Variants in AGBL4 observed in about 807,000 individuals in gnomAD.
The protein encoded by AGBL4 is AGBL carboxypeptidase 4.
AGBL4 carries 58 observed loss-of-function variants against 66.4 expected under a neutral mutation model. The observed-to-expected ratio is 0.87, with a 90% CI of 0.71 to 1.09. AGBL4 has a LOEUF of 1.09. AGBL4 is among the 50% of genes least tolerant of loss of function. AGBL4 has a pLI of 0.00. For missense variants in AGBL4, 579 were observed against 631.0 expected, an observed-to-expected ratio of 0.92 and a Z score of 0.88; for synonymous variants, 234 against 222.9, an observed-to-expected ratio of 1.05 and a Z score of -0.44.
chr1:49,408,549 C>A (rs1205281524), intron 3 of AGBL4, among the ~76,000 whole-genome samples: 1 of 152,206 alleles, frequency 6.6e-6, no homozygotes, highest in African/African-American at 2.4e-5. Flanking sequence ...TCTGGGTAGG[C>A]ATCATCTAAT....
chr1:49,793,398 AC>A (rs1644651255), intron 2 of AGBL4, among the ~76,000 whole-genome samples: 1 of 152,034 alleles, frequency 6.6e-6, no homozygotes. Flanking sequence ...CTTTGAGCAC[AC>A]CAGGGTACTC....
intron 5 of AGBL4, among the ~76,000 whole-genome samples, chr1:48,889,324 G>C (rs572014464): frequency 6.6e-6 from 1 of 152,054 alleles, no homozygotes. Context: ...TTTAATATCC[G>C]CTTTTTTGTG....
intron 5 of AGBL4, among the ~76,000 whole-genome samples, chr1:49,044,993 A>G (rs1206631278): frequency 1.3e-5 from 2 of 152,212 alleles, no homozygotes; most frequent in Non-Finnish European, 2.9e-5. Context: ...AGTTTGTCAC[A>G]TCAGCAATAG....
At chr1:49,203,942 C>T (rs1647926405) in intron 4 of AGBL4, among the ~76,000 whole-genome samples, 1 of 152,146 alleles carries the variant, frequency 6.6e-6, no homozygotes, top group African/African-American at 2.4e-5. Flanking sequence ...TGCTTTTTGT[C>T]ACACTAAAGA....
At chr1:49,146,487 A>T (rs1646220725) in intron 4 of AGBL4, among the ~76,000 whole-genome samples, 1 of 152,224 alleles carries the variant, frequency 6.6e-6, no homozygotes, top group African/African-American at 2.4e-5. Flanking sequence ...GTGTGGTGTG[A>T]TGAAACACAG....
rs139735464 is a variant in AGBL4 at position 49,816,448 on chromosome 1, G to C, written c.157+34948C>G. On this transcript the variant is annotated intron_variant, in intron 2 of 13. Transcript: ENST00000371839. ...GCATATTTGCCACTTAGTGGTCCAAGGAAATATGTCTATTCATATCTAGAT... is the reference window on the plus strand; with the variant it reads ...GCATATTTGCCACTTAGTGGTCCAACGAAATATGTCTATTCATATCTAGAT... Among the ~76,000 whole-genome samples the C allele has an allele frequency of 5.1e-3, 770 of 152,242 alleles. 2 individuals carry two copies. The highest frequency in any genetic ancestry group is 8.1e-3 in the Admixed American group (124 of 15,290).
chr1:48,742,668 G>T lies in AGBL4; in HGVS notation c.635-79427C>A, dbSNP rs146041042. ...ACTTGTCCATGACAGGCGCAGGAGC[G>T]GGGTAATAGGACGACGTATTTGCTT... On this transcript the variant is annotated intron_variant, in intron 6 of 13. Coordinates refer to ENST00000371839, the MANE Select transcript of AGBL4 (RefSeq NM_032785.4). The T allele has an allele frequency of 3.7e-6, 6 of 1,609,206 alleles. No homozygotes were observed. The African/African-American group carries it at 5.3e-5, about 14-fold the overall frequency.
chr1:49,426,430 C>A (rs1478842124), intron 3 of AGBL4, among the ~76,000 whole-genome samples: 2 of 152,172 alleles, frequency 1.3e-5, no homozygotes, highest in Admixed American at 1.3e-4. Context: ...CTGAAATTTA[C>A]TGTTTGCTCC....
chr1:49,805,977 G>A lies in AGBL4; in HGVS notation c.157+45419C>T, dbSNP rs555830884. On this transcript the variant is annotated intron_variant, in intron 2 of 13. Transcript: ENST00000371839. ...TAAATAGCAGCCCAAACAGACTAAT[G>A]CAAATGTTTGTACTGATAATCAGGT... 1.2e-3 allele frequency among the ~76,000 whole-genome samples: 181 copies of A among 152,274 alleles called. 1 individual carries two copies. The Middle Eastern group carries it at 0.014, about 11-fold the overall frequency.
intron 5 of AGBL4, among the ~76,000 whole-genome samples, chr1:48,870,606 A>T (rs1038839889): frequency 4.6e-5 from 7 of 152,102 alleles, no homozygotes; most frequent in African/African-American, 1.7e-4. Flanking sequence ...TGCTCCTGCC[A>T]TGTCTGTAGC....
At position 49,540,454 on chromosome 1, in the gene AGBL4, G is replaced by A. The variant is rs150017371; in HGVS notation, c.282+156859C>T. Among the ~76,000 whole-genome samples, 21 of 152,292 alleles carry A rather than the reference G, an allele frequency of 1.4e-4. No homozygotes were observed. The South Asian group carries it at 2.1e-3, about 15-fold the overall frequency. On this transcript the variant is annotated intron_variant, in intron 3 of 13. Coordinates refer to ENST00000371839, the MANE Select transcript of AGBL4 (RefSeq NM_032785.4). ...TTTTTGCTACAGTTACTGTGGATGT[G>A]TTGATCTTTCCACTTGAACCAGTAC...
chr1:49,969,819 T>C (rs1208218691), intron 1 of AGBL4, among the ~76,000 whole-genome samples: 2 of 152,174 alleles, frequency 1.3e-5, no homozygotes, highest in South Asian at 2.1e-4. Context: ...TCAATGAACA[T>C]GGGAGTGCAG....
intron 3 of AGBL4, among the ~76,000 whole-genome samples, chr1:49,379,329 T>G (rs900587800): frequency 6.6e-6 from 1 of 152,184 alleles, no homozygotes; most frequent in African/African-American, 2.4e-5. Context: ...ACCAATTAGA[T>G]AGATGCTTTC....
chr1:48,789,872 A>G (rs1645504254), intron 6 of AGBL4, among the ~76,000 whole-genome samples: 1 of 152,196 alleles, frequency 6.6e-6, no homozygotes, highest in Non-Finnish European at 1.5e-5. Context: ...ACATTAAAAG[A>G]TAAAATGTTC....
chr1:49,816,967 A>T (rs2147983578), intron 2 of AGBL4, among the ~76,000 whole-genome samples: 1 of 152,208 alleles, frequency 6.6e-6, no homozygotes, highest in African/African-American at 2.4e-5. Context: ...AACTTTGCAA[A>T]CCTGAAACCC....
intron 1 of AGBL4, among the ~76,000 whole-genome samples, chr1:49,936,222 C>T (rs536883263): frequency 6.6e-6 from 1 of 151,818 alleles, no homozygotes; most frequent in African/African-American, 2.4e-5. Context: ...CGATCAACTG[C>T]AAGAAAGGGT....
intron 3 of AGBL4, among the ~76,000 whole-genome samples, chr1:49,571,527 A>G (rs1644330732): frequency 1.3e-5 from 2 of 152,046 alleles, no homozygotes. Context: ...AAACAGAGAT[A>G]ATTTGACTTC....
At chr1:49,905,129 T>C (rs930630982) in intron 1 of AGBL4, among the ~76,000 whole-genome samples, 5 of 152,190 alleles carry the variant, frequency 3.3e-5, no homozygotes, top group Non-Finnish European at 7.3e-5. Context: ...GTATAACATA[T>C]AATTTTCTTA....
downstream of AGBL4, among the ~76,000 whole-genome samples, chr1:48,528,734 G>C (rs189865662): frequency 1.9e-4 from 29 of 152,228 alleles, no homozygotes; most frequent in African/African-American, 6.5e-4. Context: ...GTGCCTTGGG[G>C]GAGTCCTGAA....
Sources: allele counts gnomAD v4.1 joint callset (sites outside exome capture counted in the v4.1 genomes callset), GRCh38; gene constraint gnomAD v4.1.1; transcripts MANE v1.5; gene names NCBI Gene and HGNC (gene_info 2026-07-23, HGNC 2026-07-21).